The following ATOSA variants were observed in gnomAD, a reference collection of about 807,000 sequenced individuals.
ATOSA encodes atos homolog protein A.
chr15:52,657,821 A>G, the ATOSA span: 1 of 152,226 alleles, frequency 6.6e-6, no homozygotes, highest in African/African-American at 2.4e-5. Flanking sequence ...AATGTGTGTA[A>G]AATTAATATA....
the ATOSA span, chr15:52,600,327 G>A: frequency 1.4e-6 from 1 of 692,206 alleles, no homozygotes; most frequent in South Asian, 1.8e-5. Context: ...CACCCAGGCG[G>A]GAGTACAGTG....
the ATOSA span, among the ~76,000 whole-genome samples, chr15:52,663,066 T>C: frequency 6.6e-6 from 1 of 152,144 alleles, no homozygotes; most frequent in Non-Finnish European, 1.5e-5. Flanking sequence ...AAAACTCTAA[T>C]CTCTCCCTAT....
At chr15:52,657,305 C>A in the ATOSA span, 1 of 152,256 alleles carries the variant, frequency 6.6e-6, no homozygotes, top group East Asian at 1.9e-4. Context: ...TAGAGTGACA[C>A]AGTTGTATGT....
chr15:52,626,620 T>C, the ATOSA span, among the ~76,000 whole-genome samples: 1 of 151,562 alleles, frequency 6.6e-6, no homozygotes, highest in African/African-American at 2.4e-5. Context: ...GGTGAGGAAA[T>C]TGGACTTCAG....
the ATOSA span, among the ~76,000 whole-genome samples, chr15:52,647,256 C>T: frequency 6.6e-6 from 1 of 151,056 alleles, no homozygotes; most frequent in African/African-American, 2.4e-5. Flanking sequence ...AAAAAAAAAT[C>T]ACAAAAATTT....
the ATOSA span, among the ~76,000 whole-genome samples, chr15:52,688,747 G>T: frequency 1.3e-5 from 2 of 152,164 alleles, no homozygotes; most frequent in South Asian, 2.1e-4. Flanking sequence ...TGCTCCATGG[G>T]AGTAGATGAA....
the ATOSA span, among the ~76,000 whole-genome samples, chr15:52,697,383 C>T: frequency 1.3e-5 from 2 of 152,160 alleles, no homozygotes; most frequent in East Asian, 1.9e-4. Flanking sequence ...CTTGGTTGCC[C>T]GCTTGCCTCT....
At chr15:52,652,371 T>C in the ATOSA span, among the ~76,000 whole-genome samples, 1 of 152,180 alleles carries the variant, frequency 6.6e-6, no homozygotes, top group African/African-American at 2.4e-5. Context: ...CAAAGAAGGG[T>C]TGTGGAAGGA....
the ATOSA span, among the ~76,000 whole-genome samples, chr15:52,700,093 C>T: frequency 6.6e-6 from 1 of 152,026 alleles, no homozygotes; most frequent in African/African-American, 2.4e-5. Context: ...AAAGATTGAC[C>T]ATCAGTGGAG....
chr15:52,648,077 C>T, the ATOSA span, among the ~76,000 whole-genome samples: 2 of 152,138 alleles, frequency 1.3e-5, no homozygotes, highest in Non-Finnish European at 2.9e-5. Flanking sequence ...GAAAACTCAA[C>T]ATATTCACGT....
the ATOSA span, among the ~76,000 whole-genome samples, chr15:52,639,521 C>A: frequency 3.3e-5 from 5 of 152,082 alleles, no homozygotes; most frequent in Admixed American, 3.3e-4. Context: ...TCTATAAATA[C>A]AACAGTCTGG....
chr15:52,581,701 A>G, the ATOSA span: 1 of 153,016 alleles, frequency 6.5e-6, no homozygotes, highest in Non-Finnish European at 1.5e-5. Context: ...CTCATTTTCA[A>G]TAACTTAAAT....
chr15:52,655,981 G>A, the ATOSA span: 1 of 151,960 alleles, frequency 6.6e-6, no homozygotes. Flanking sequence ...GCAGACATCA[G>A]GTCTACATGA....
At chr15:52,629,820 A>T in the ATOSA span, among the ~76,000 whole-genome samples, 4 of 152,250 alleles carry the variant, frequency 2.6e-5, no homozygotes, top group South Asian at 2.1e-4. Context: ...TAAAAAATAA[A>T]AAAAAAGAAA....
At chr15:52,621,739 C>T in the ATOSA span, among the ~76,000 whole-genome samples, 1 of 152,186 alleles carries the variant, frequency 6.6e-6, no homozygotes, top group Non-Finnish European at 1.5e-5. Flanking sequence ...GATTGTGAGG[C>T]CTCTCTAGCC....
chr15:52,614,690 A>C, the ATOSA span, among the ~76,000 whole-genome samples: 1 of 151,828 alleles, frequency 6.6e-6, no homozygotes, highest in East Asian at 2.0e-4. Flanking sequence ...TCTACTAAAA[A>C]TACAAAAATC....
chr15:52,680,171 T>C, the ATOSA span, among the ~76,000 whole-genome samples: 1 of 152,252 alleles, frequency 6.6e-6, no homozygotes, highest in South Asian at 2.1e-4. Flanking sequence ...CAATGTGACA[T>C]GATGGCATTT....
chr15:52,602,935 C>T, the ATOSA span, among the ~76,000 whole-genome samples: 3 of 152,166 alleles, frequency 2.0e-5, no homozygotes, highest in African/African-American at 7.2e-5. Context: ...ATTTTTCTTT[C>T]TTGCTCTTAC....
At chr15:52,697,432 A>C in the ATOSA span, among the ~76,000 whole-genome samples, 1 of 152,228 alleles carries the variant, frequency 6.6e-6, no homozygotes, top group Non-Finnish European at 1.5e-5. Flanking sequence ...AACCTATCTT[A>C]CATATCTTGG....
Sources: allele counts gnomAD v4.1 joint callset (sites outside exome capture counted in the v4.1 genomes callset), GRCh38; gene constraint gnomAD v4.1.1; transcripts MANE v1.5; gene names NCBI Gene and HGNC (gene_info 2026-07-23, HGNC 2026-07-21).